The following FHIT variants were observed in gnomAD, a reference collection of about 807,000 sequenced individuals.
The protein encoded by FHIT is bis(5'-adenosyl)-triphosphatase.
FHIT carries 19 observed loss-of-function variants against 17.9 expected under a neutral mutation model. The observed-to-expected ratio is 1.06, with a 90% CI of 0.74 to 1.56. The LOEUF (loss-of-function observed/expected upper bound fraction) is 1.56, where lower values mean the gene tolerates loss of function less well. Among genes scored for constraint, FHIT ranks in the 40% most tolerant of loss-of-function variants. FHIT has a pLI of 0.00. For synonymous variants in FHIT, 81 were observed against 69.7 expected (o/e 1.16, Z -0.81); for missense variants, 248 against 189.2 (o/e 1.31, Z -1.82).
At chr3:61,212,470 C>T (rs1281300689) in intron 1 of FHIT, among the ~76,000 whole-genome samples, 1 of 152,140 alleles carries the variant, frequency 6.6e-6, no homozygotes, top group Admixed American at 6.5e-5. Context: ...TAAAAAGAAA[C>T]AAACAAAGCC....
chr3:61,211,424 A>C (rs2039467582), intron 1 of FHIT, among the ~76,000 whole-genome samples: 1 of 152,234 alleles, frequency 6.6e-6, no homozygotes, highest in South Asian at 2.1e-4. Context: ...TCTGAGATCA[A>C]ACTGCAAGGC....
chr3:61,080,043 A>G (rs2035088039), intron 2 of FHIT, among the ~76,000 whole-genome samples: 1 of 152,164 alleles, frequency 6.6e-6, no homozygotes, highest in Non-Finnish European at 1.5e-5. Flanking sequence ...TTAAAAATAA[A>G]TTTACACTGG....
intron 5 of FHIT, among the ~76,000 whole-genome samples, chr3:60,482,006 AG>A (rs1191494234): frequency 6.6e-6 from 1 of 152,222 alleles, no homozygotes; most frequent in Non-Finnish European, 1.5e-5. Context: ...AGAAAGCAAA[AG>A]AAAGCAGAGC....
intron 7 of FHIT, among the ~76,000 whole-genome samples, chr3:59,925,435 G>A (rs1273431533): frequency 6.6e-6 from 1 of 152,056 alleles, no homozygotes; most frequent in Non-Finnish European, 1.5e-5. Context: ...ATGCTTCTCT[G>A]GCTTTCTGCA....
At chr3:61,076,815 A>AT (rs1040527431) in intron 2 of FHIT, among the ~76,000 whole-genome samples, 18 of 152,248 alleles carry the variant, frequency 1.2e-4, no homozygotes, top group African/African-American at 3.4e-4. Context: ...AAATCAATAC[A>AT]TTTTCCTTAC....
At chr3:60,619,600 C>CAAAAAA (rs57198487) in intron 4 of FHIT, among the ~76,000 whole-genome samples, 5 of 88,692 alleles carry the variant, frequency 5.6e-5, no homozygotes, top group Admixed American at 1.1e-4. Flanking sequence ...TACCCACATG[C>CAAAAAA]AAAAAAAAAA....
rs112001818 is a variant in FHIT, at chr3:60,164,988, C to A, written c.104-150836G>T. On this transcript the variant is annotated intron_variant, in intron 5 of 9. Transcript: ENST00000492590. ...GCCACAGAGAGTCACAACGCAAAAA[C>A]AAGTTTTATTCAGATTGAATTTAAT... Among the ~76,000 whole-genome samples the A allele has an allele frequency of 3.3e-3, 497 of 152,184 alleles. 3 individuals are homozygous for A. The highest frequency in any genetic ancestry group is 4.2e-3 in the Non-Finnish European group (284 of 68,010).
chr3:60,448,869 C>A (rs951915055), intron 5 of FHIT, among the ~76,000 whole-genome samples: 6 of 152,102 alleles, frequency 3.9e-5, no homozygotes, highest in African/African-American at 1.2e-4. Context: ...CTAAGTCTTG[C>A]CAGGAAGCTC....
chr3:60,986,653 C>G (rs1710730793), intron 3 of FHIT, among the ~76,000 whole-genome samples: 1 of 152,244 alleles, frequency 6.6e-6, no homozygotes, highest in African/African-American at 2.4e-5. Context: ...TTTCTCAAAC[C>G]AAATTTGTGT....
rs149889158 is a variant in FHIT, at chr3:61,210,193, G to A, written c.-212-9528C>T. ...TTTTGTCTCAGAGGAGTACCCGGCC[G>A]TGTGAGGTGTTAGAACGCCCCTAGT... On this transcript the variant is annotated intron_variant, in intron 1 of 9. Transcript: ENST00000492590. 5.0e-3 allele frequency among the ~76,000 whole-genome samples: 769 copies of A among 152,300 alleles called. 8 individuals carry two copies. Among genetic ancestry groups the A allele is most frequent in the African/African-American group, 0.018 (734 of 41,564 alleles).
intron 7 of FHIT, among the ~76,000 whole-genome samples, chr3:59,998,662 A>T (rs1559535721): frequency 1.3e-5 from 2 of 152,144 alleles, no homozygotes; most frequent in Non-Finnish European, 2.9e-5. Context: ...AGCCAGTCTC[A>T]GGTATAATCC....
At chr3:59,787,530 G>A (rs1369765933) in intron 8 of FHIT, among the ~76,000 whole-genome samples, 4 of 123,584 alleles carry the variant, frequency 3.2e-5, no homozygotes, top group Non-Finnish European at 5.2e-5. Flanking sequence ...ACACACACAC[G>A]TCAAAGGCTT....
chr3:59,874,552 G>A (rs920394495), intron 8 of FHIT, among the ~76,000 whole-genome samples: 10 of 152,146 alleles, frequency 6.6e-5, no homozygotes, highest in African/African-American at 9.7e-5. Flanking sequence ...GATGCCCGCT[G>A]CTCCCTGCTT....
At chr3:61,066,789 G>C (rs984258258) in intron 2 of FHIT, among the ~76,000 whole-genome samples, 5 of 152,164 alleles carry the variant, frequency 3.3e-5, no homozygotes, top group Admixed American at 6.5e-5. Flanking sequence ...GCATAGGTTT[G>C]GGTAGATTAT....
At chr3:60,138,707 G>A (rs1314515024) in intron 5 of FHIT, among the ~76,000 whole-genome samples, 1 of 152,078 alleles carries the variant, frequency 6.6e-6, no homozygotes, top group Non-Finnish European at 1.5e-5. Context: ...GAGAGAACTG[G>A]GGAATGGGGT....
At chr3:61,180,526 C>T (rs1181175155) in intron 2 of FHIT, among the ~76,000 whole-genome samples, 1 of 152,122 alleles carries the variant, frequency 6.6e-6, no homozygotes, top group Non-Finnish European at 1.5e-5. Context: ...AATGTGAAGA[C>T]CATGGGGGTT....
intron 8 of FHIT, among the ~76,000 whole-genome samples, chr3:59,811,144 G>A (rs1276106402): frequency 3.9e-5 from 6 of 152,148 alleles, no homozygotes; most frequent in Non-Finnish European, 7.4e-5. Context: ...ACAACACAAC[G>A]TCAAGGATGC....
intron 5 of FHIT, among the ~76,000 whole-genome samples, chr3:60,021,275 G>T (rs1421731943): frequency 6.6e-6 from 1 of 152,098 alleles, no homozygotes; most frequent in Non-Finnish European, 1.5e-5. Context: ...CCTTGTCTAG[G>T]CAACATGCCC....
intron 4 of FHIT, among the ~76,000 whole-genome samples, chr3:60,744,282 A>AAAAAAAAAAAAAAC (rs2042311525): frequency 7.0e-6 from 1 of 143,252 alleles, no homozygotes; most frequent in African/African-American, 2.7e-5. Context: ...AAAAAAAAAA[A>AAAAAAAAAAAAAAC]ACAGAAAGAA....
Sources: allele counts gnomAD v4.1 joint callset (sites outside exome capture counted in the v4.1 genomes callset), GRCh38; gene constraint gnomAD v4.1.1; transcripts MANE v1.5; gene names NCBI Gene and HGNC (gene_info 2026-07-23, HGNC 2026-07-21).